AGBL4: variants seen among roughly 807,000 people sequenced by gnomAD.
AGBL4 encodes the protein cytosolic carboxypeptidase 6.
In AGBL4, 58 loss-of-function variants were observed where a neutral mutation model predicts 66.4. The observed-to-expected ratio is 0.87, with a 90% CI of 0.71 to 1.09. The LOEUF (loss-of-function observed/expected upper bound fraction) is 1.09. Among genes scored for constraint, AGBL4 ranks in the 50% least tolerant of loss-of-function variants. The pLI is 0.00. For missense variants in AGBL4, 579 were observed against 631.0 expected (o/e 0.92, Z 0.88); for synonymous variants, 234 against 222.9 (o/e 1.05, Z -0.44).
chr1:49,779,305 T>G (rs1483593022), intron 2 of AGBL4, among the ~76,000 whole-genome samples: 3 of 152,066 alleles, frequency 2.0e-5, no homozygotes, highest in African/African-American at 7.2e-5. Flanking sequence ...AAACTGAAAG[T>G]AACAATCAAG....
intron 1 of AGBL4, among the ~76,000 whole-genome samples, chr1:49,939,246 A>C (rs1654473939): frequency 1.3e-5 from 2 of 150,452 alleles, no homozygotes; most frequent in African/African-American, 2.4e-5. Flanking sequence ...ATGGGTAGGA[A>C]GAATCAATAT....
At chr1:49,232,187 C>T (rs1238027533) in intron 4 of AGBL4, among the ~76,000 whole-genome samples, 1 of 151,960 alleles carries the variant, frequency 6.6e-6, no homozygotes, top group Non-Finnish European at 1.5e-5. Flanking sequence ...TATTAAAAAC[C>T]ATTAAATGTA....
At chr1:49,481,066 G>A (rs1646946754) in intron 3 of AGBL4, among the ~76,000 whole-genome samples, 3 of 152,034 alleles carry the variant, frequency 2.0e-5, no homozygotes, top group African/African-American at 7.2e-5. Context: ...CAGGTAGCGT[G>A]ATGCCTCCAG....
chr1:49,246,689 G>A (rs1360512320), intron 3 of AGBL4, among the ~76,000 whole-genome samples: 1 of 151,714 alleles, frequency 6.6e-6, no homozygotes, highest in African/African-American at 2.4e-5. Context: ...AAGAGGGGAG[G>A]GAAGATTGTG....
At chr1:49,488,023 C>A (rs1052755520) in intron 3 of AGBL4, among the ~76,000 whole-genome samples, 1 of 151,868 alleles carries the variant, frequency 6.6e-6, no homozygotes, top group East Asian at 1.9e-4. Context: ...CTGTAAACCT[C>A]CACAGCAGGA....
At chr1:49,800,063 C>T (rs1342570400) in intron 2 of AGBL4, among the ~76,000 whole-genome samples, 1 of 152,092 alleles carries the variant, frequency 6.6e-6, no homozygotes, top group Non-Finnish European at 1.5e-5. Flanking sequence ...AACTAATTTC[C>T]TTTAATTTTC....
intron 6 of AGBL4, among the ~76,000 whole-genome samples, chr1:48,861,823 C>T (rs1647499219): frequency 6.6e-6 from 1 of 152,154 alleles, no homozygotes; most frequent in African/African-American, 2.4e-5. Context: ...ATGGTGACAA[C>T]CAAATCCCAA....
At chr1:49,988,239 T>C (rs973359946) in intron 1 of AGBL4, among the ~76,000 whole-genome samples, 6 of 152,162 alleles carry the variant, frequency 3.9e-5, no homozygotes, top group African/African-American at 1.4e-4. Flanking sequence ...TCTCTAATTA[T>C]GCTTTAATCA....
chr1:48,835,606 A>C (rs1646653581), intron 6 of AGBL4, among the ~76,000 whole-genome samples: 1 of 152,166 alleles, frequency 6.6e-6, no homozygotes, highest in Non-Finnish European at 1.5e-5. Flanking sequence ...AGAATGTTAC[A>C]GTAAAATGGA....
chr1:49,442,825 A>G (rs1037957289), intron 3 of AGBL4, among the ~76,000 whole-genome samples: 3 of 152,110 alleles, frequency 2.0e-5, no homozygotes, highest in Admixed American at 2.0e-4. Flanking sequence ...AGAAATCTCC[A>G]GTTTTATTTT....
intron 1 of AGBL4, among the ~76,000 whole-genome samples, chr1:49,904,021 G>T (rs914015767): frequency 3.9e-5 from 6 of 152,090 alleles, no homozygotes; most frequent in Admixed American, 6.6e-5. Context: ...ATTCATTAAG[G>T]AAATATGTAT....
chr1:49,375,962 C>A (rs1644463957), intron 3 of AGBL4, among the ~76,000 whole-genome samples: 1 of 152,138 alleles, frequency 6.6e-6, no homozygotes, highest in Non-Finnish European at 1.5e-5. Context: ...ATCCCACTCT[C>A]ACTCCCCAGA....
At chr1:49,915,441 C>T (rs961123483) in intron 1 of AGBL4, among the ~76,000 whole-genome samples, 42 of 152,278 alleles carry the variant, frequency 2.8e-4, no homozygotes, top group African/African-American at 8.2e-4. Context: ...GATTATATCC[C>T]GCGCCTGGCT....
chr1:49,600,784 A>T (rs1185127017), intron 3 of AGBL4, among the ~76,000 whole-genome samples: 2 of 152,096 alleles, frequency 1.3e-5, no homozygotes, highest in Non-Finnish European at 2.9e-5. Context: ...TCCCTTCAGG[A>T]GCTCTTATAA....
chr1:49,332,711 T>C (rs576703308), intron 3 of AGBL4, among the ~76,000 whole-genome samples: 5 of 152,330 alleles, frequency 3.3e-5, no homozygotes, highest in Admixed American at 2.6e-4. Flanking sequence ...ATTATTACAT[T>C]ATACTGATGT....
chr1:48,651,273 C>G (rs78652513), intron 8 of AGBL4, among the ~76,000 whole-genome samples: 5,002 of 152,208 alleles, frequency 0.033, 282 homozygotes, highest in African/African-American at 0.11. Flanking sequence ...GTCCTCAAAT[C>G]ACAAAATCTC....
chr1:49,155,208 C>T (rs1646407591), intron 4 of AGBL4, among the ~76,000 whole-genome samples: 1 of 152,108 alleles, frequency 6.6e-6, no homozygotes, highest in Non-Finnish European at 1.5e-5. Context: ...TAGATAATAT[C>T]TTACCTTTTT....
At chr1:49,755,895 CT>C (rs756779137) in intron 2 of AGBL4, among the ~76,000 whole-genome samples, 4 of 152,174 alleles carry the variant, frequency 2.6e-5, no homozygotes, top group Non-Finnish European at 5.9e-5. Context: ...TCTTCAAATC[CT>C]TATTCAATGG....
intron 6 of AGBL4, among the ~76,000 whole-genome samples, chr1:48,773,336 C>G (rs1644927327): frequency 6.6e-6 from 1 of 152,110 alleles, no homozygotes; most frequent in African/African-American, 2.4e-5. Context: ...ATGAGTAGTT[C>G]TCACTTTCAC....
Sources: gnomAD v4.1 joint callset for allele counts (sites outside exome capture counted in the v4.1 genomes callset) on GRCh38, gnomAD v4.1.1 for gene constraint, MANE v1.5 for transcripts, NCBI Gene and HGNC (gene_info 2026-07-23, HGNC 2026-07-21) for gene names.